Variants in SPAG16 observed in about 807,000 individuals in gnomAD.
The protein encoded by SPAG16 is sperm-associated antigen 16 protein.
Under a neutral mutation model 80.4 loss-of-function variants are expected in SPAG16, and 86 were observed. The ratio of observed to expected loss-of-function variants is 1.07; its 90% CI spans 0.90 to 1.28. The LOEUF is 1.28. SPAG16 is among the 50% of genes most tolerant of loss of function. The pLI, the probability that SPAG16 is intolerant of heterozygous loss-of-function variation, is 0.00. For synonymous variants in SPAG16, 294 were observed against 265.9 expected (o/e 1.11, Z -1.03); for missense variants, 870 against 765.3 (o/e 1.14, Z -1.61).
chr2:213,407,680 GGAGAGAGACAGAAGAGAGA>G (rs914300576), intron 9 of SPAG16, among the ~76,000 whole-genome samples: 2 of 143,788 alleles, frequency 1.4e-5, no homozygotes, highest in African/African-American at 5.3e-5. Flanking sequence ...GAGACAGAGA[GGAGAGAGACAGAAGAGAGA>G]GAGAGAGACA....
chr2:213,692,417 A>T (rs1574831987), intron 10 of SPAG16, among the ~76,000 whole-genome samples: 1 of 152,224 alleles, frequency 6.6e-6, no homozygotes, highest in East Asian at 1.9e-4. Flanking sequence ...AAATATATTA[A>T]GAAAAAGCAG....
At chr2:214,312,809 C>T (rs1695428096) in intron 15 of SPAG16, among the ~76,000 whole-genome samples, 1 of 152,136 alleles carries the variant, frequency 6.6e-6, no homozygotes, top group Non-Finnish European at 1.5e-5. Context: ...AAGTCTCATA[C>T]AGTGTAATAT....
At chr2:213,520,086 A>AG (rs2075601620) in intron 10 of SPAG16, among the ~76,000 whole-genome samples, 2 of 148,516 alleles carry the variant, frequency 1.3e-5, no homozygotes, top group Non-Finnish European at 3.0e-5. Context: ...GAGCAAGAGC[A>AG]AGAGAGAGAG....
At chr2:213,514,043 G>A (rs759075159) in intron 10 of SPAG16, among the ~76,000 whole-genome samples, 12 of 152,142 alleles carry the variant, frequency 7.9e-5, no homozygotes, top group African/African-American at 1.2e-4. Context: ...TTAATCTATC[G>A]TGAGTATGAC....
intron 4 of SPAG16, among the ~76,000 whole-genome samples, 166 bp downstream of exon 4, chr2:213,310,343 C>G (rs1395990736): frequency 1.3e-5 from 2 of 149,760 alleles, no homozygotes; most frequent in Non-Finnish European, 3.0e-5. Context: ...CACACACACA[C>G]ACACACACAC....
chr2:213,972,114 T>C (rs1239636777), intron 12 of SPAG16, among the ~76,000 whole-genome samples: 1 of 151,870 alleles, frequency 6.6e-6, no homozygotes, highest in Non-Finnish European at 1.5e-5. Flanking sequence ...CTCTTTCAGT[T>C]ACCATTGTGA....
chr2:213,400,982 A>AT (rs1327858477), intron 9 of SPAG16, among the ~76,000 whole-genome samples: 1 of 151,722 alleles, frequency 6.6e-6, no homozygotes, highest in Non-Finnish European at 1.5e-5. Context: ...TAATTTTTAT[A>AT]TTTTTTTGTC....
rs543033669 is a variant in SPAG16 at position 213,859,789 on chromosome 2, T to A, written c.1071-2696T>A. ...AATAATAATACTGATAGTACCAACA[T>A]CAGTCACTAAGTCATGTATTTGATG... On this transcript the variant is annotated intron_variant, in intron 10 of 15. Transcript: ENST00000331683. Among the ~76,000 whole-genome samples the A allele has an allele frequency of 2.5e-4, 38 of 152,308 alleles. No homozygotes were observed. The South Asian group carries it at 4.1e-3, about 17-fold the overall frequency.
intron 15 of SPAG16, among the ~76,000 whole-genome samples, chr2:214,399,018 G>A (rs1029323415): frequency 2.0e-5 from 3 of 152,082 alleles, no homozygotes; most frequent in Non-Finnish European, 4.4e-5. Flanking sequence ...TAAGCTAGTG[G>A]TTCTATCTTT....
intron 15 of SPAG16, among the ~76,000 whole-genome samples, chr2:214,196,777 G>A (rs189501180): frequency 2.6e-5 from 4 of 151,990 alleles, no homozygotes; most frequent in Non-Finnish European, 4.4e-5. Flanking sequence ...TACTAATTTA[G>A]CTGAGCTAAG....
intron 15 of SPAG16, among the ~76,000 whole-genome samples, chr2:214,206,131 G>A (rs2058138153): frequency 6.6e-6 from 1 of 152,158 alleles, no homozygotes; most frequent in Non-Finnish European, 1.5e-5. Flanking sequence ...AGGAGGCGGA[G>A]TTTGCAGTGA....
chr2:213,334,701 A>G (rs753019752), intron 5 of SPAG16, among the ~76,000 whole-genome samples: 1 of 152,204 alleles, frequency 6.6e-6, no homozygotes, highest in Non-Finnish European at 1.5e-5. Flanking sequence ...TAACCCAGGC[A>G]TGGAAAGACA....
intron 11 of SPAG16, among the ~76,000 whole-genome samples, chr2:213,882,706 G>A (rs988048653): frequency 1.3e-5 from 2 of 152,104 alleles, no homozygotes; most frequent in African/African-American, 2.4e-5. Flanking sequence ...TGTTAATCTA[G>A]CTAGTGGTCT....
chr2:214,364,810 T>C (rs896437324), intron 15 of SPAG16, among the ~76,000 whole-genome samples: 2 of 152,158 alleles, frequency 1.3e-5, no homozygotes, highest in Non-Finnish European at 2.9e-5. Context: ...GTCTCCTGAA[T>C]GACAGATAAA....
chr2:213,469,042 A>G (rs1171787347), intron 9 of SPAG16, among the ~76,000 whole-genome samples: 1 of 152,018 alleles, frequency 6.6e-6, no homozygotes, highest in Non-Finnish European at 1.5e-5. Flanking sequence ...TTTCCAGCCC[A>G]CTGATTCAAA....
intron 10 of SPAG16, among the ~76,000 whole-genome samples, chr2:213,650,120 T>G (rs1375519447): frequency 6.6e-6 from 1 of 152,166 alleles, no homozygotes; most frequent in Non-Finnish European, 1.5e-5. Flanking sequence ...GGCTGATGTT[T>G]TACTTCTGCC....
intron 9 of SPAG16, among the ~76,000 whole-genome samples, chr2:213,427,657 G>T (rs1575564440): frequency 6.6e-6 from 1 of 152,258 alleles, no homozygotes; most frequent in Non-Finnish European, 1.5e-5. Context: ...AGAAAAATCA[G>T]AGAAAATGAT....
At chr2:213,866,473 G>A (rs1047213601) in intron 11 of SPAG16, among the ~76,000 whole-genome samples, 2 of 152,036 alleles carry the variant, frequency 1.3e-5, no homozygotes, top group East Asian at 3.9e-4. Context: ...TATAGATATT[G>A]GAAGTTACTT....
intron 10 of SPAG16, among the ~76,000 whole-genome samples, chr2:213,774,350 T>C (rs1479973366): frequency 1.3e-5 from 2 of 152,224 alleles, no homozygotes; most frequent in African/African-American, 4.8e-5. Flanking sequence ...CTTTTCTAGC[T>C]TCTTCCAGTT....
Sources: gnomAD v4.1 joint callset for allele counts (sites outside exome capture counted in the v4.1 genomes callset) on GRCh38, gnomAD v4.1.1 for gene constraint, MANE v1.5 for transcripts, NCBI Gene and HGNC (gene_info 2026-07-23, HGNC 2026-07-21) for gene names.